The following FILIP1L variants were observed in gnomAD, a reference collection of about 807,000 sequenced individuals.
FILIP1L encodes filamin A interacting protein 1 like.
In FILIP1L, 55 loss-of-function variants were observed where a neutral mutation model predicts 96.6. The observed-to-expected ratio is 0.57, with a 90% CI of 0.46 to 0.71. The LOEUF is 0.71. Ranked by LOEUF, FILIP1L falls within the 30% of genes least tolerant of loss-of-function variation. FILIP1L has a pLI of 0.00. For missense variants in FILIP1L, 1,304 were observed against 1,321.2 expected (o/e 0.99, Z 0.20); for synonymous variants, 467 against 473.9 (o/e 0.99, Z 0.19).
At chr3:99,839,877 A>C (rs2107502423) in intron 5 of FILIP1L, among the ~76,000 whole-genome samples, 1 of 152,308 alleles carries the variant, frequency 6.6e-6, no homozygotes, top group Admixed American at 6.5e-5. Flanking sequence ...AAGAGTTTTC[A>C]TATGAGTTGT....
At chr3:99,927,501 C>G (rs1707332235) in intron 3 of FILIP1L, among the ~76,000 whole-genome samples, 1 of 151,976 alleles carries the variant, frequency 6.6e-6, no homozygotes, top group Non-Finnish European at 1.5e-5. Context: ...TCCCAAGTAG[C>G]TGGGATTACA....
chr3:99,912,533 A>C (rs1393932207), intron 4 of FILIP1L, among the ~76,000 whole-genome samples: 1 of 152,122 alleles, frequency 6.6e-6, no homozygotes, highest in Non-Finnish European at 1.5e-5. Context: ...GCATGCCAGC[A>C]CACCCAGCTA....
At chr3:99,917,583 T>C (rs150924554) in intron 4 of FILIP1L, among the ~76,000 whole-genome samples, 194 of 152,362 alleles carry the variant, frequency 1.3e-3, no homozygotes, top group Non-Finnish European at 2.4e-3. Flanking sequence ...TTGCTAGGTC[T>C]TTTCTAGCTT....
At chr3:100,010,747 TGG>T (rs1204284316) in intron 1 of FILIP1L, among the ~76,000 whole-genome samples, 1 of 149,574 alleles carries the variant, frequency 6.7e-6, no homozygotes, top group Non-Finnish European at 1.5e-5. Flanking sequence ...CCTGAGTAGC[TGG>T]GATTACAGGT....
chr3:100,001,681 C>T (rs1709846378), intron 1 of FILIP1L, among the ~76,000 whole-genome samples: 1 of 152,086 alleles, frequency 6.6e-6, no homozygotes, highest in Admixed American at 6.6e-5. Flanking sequence ...CTCTTCTTTC[C>T]TCTCCCAAAA....
At chr3:99,879,535 T>A (rs1361666510) in intron 4 of FILIP1L, among the ~76,000 whole-genome samples, 2 of 152,228 alleles carry the variant, frequency 1.3e-5, no homozygotes, top group African/African-American at 4.8e-5. Context: ...CTCCCTGCCT[T>A]TGTTTCTTCT....
intron 4 of FILIP1L, among the ~76,000 whole-genome samples, chr3:99,867,524 G>A (rs985047156): frequency 6.6e-6 from 1 of 152,126 alleles, no homozygotes; most frequent in Non-Finnish European, 1.5e-5. Context: ...TTAAACAATT[G>A]AAAAGCCACA....
Position 99,849,860 on chromosome 3 carries a change from T to G in FILIP1L, c.1816A>C (p.Lys606Gln). The change falls in exon 5 of 6, where the codon AAA becomes CAA. Residue 606 changes from lysine to glutamine, a missense_variant. Transcript: ENST00000477258. Reference sequence around the variant, plus strand: ...GATTTCCCAGAGTCTTGATTTAATTTGTTTTTTAGGAAATCTTTCTCAATT... The same window carrying G: ...GATTTCCCAGAGTCTTGATTTAATTGGTTTTTTAGGAAATCTTTCTCAATT... Reference protein sequence around the residue: ...EAIEKDFLKNKLNQDSGKSTT... With the variant: ...EAIEKDFLKNQLNQDSGKSTT... 6.2e-7 allele frequency: 1 copy of G among 1,611,210 alleles called. No individual in the cohort carries two copies. The highest frequency in any genetic ancestry group is 1.1e-5 in the South Asian group (1 of 90,294).
At chr3:100,003,567 T>C (rs1709904489) in intron 1 of FILIP1L, among the ~76,000 whole-genome samples, 1 of 152,186 alleles carries the variant, frequency 6.6e-6, no homozygotes. Context: ...GTGTCAGAAT[T>C]GGAATTAGAA....
intron 1 of FILIP1L, among the ~76,000 whole-genome samples, chr3:100,091,008 G>A (rs1273607684): frequency 6.6e-6 from 1 of 152,124 alleles, no homozygotes; most frequent in African/African-American, 2.4e-5. Flanking sequence ...CCTTAGGCCC[G>A]GGCACAGTGG....
At chr3:100,027,235 A>G (rs978686244) in intron 1 of FILIP1L, among the ~76,000 whole-genome samples, 6 of 152,106 alleles carry the variant, frequency 3.9e-5, no homozygotes, top group African/African-American at 1.4e-4. Flanking sequence ...TGTTTTCTGC[A>G]CTAGAATGTA....
intron 1 of FILIP1L, among the ~76,000 whole-genome samples, chr3:100,067,731 A>G (rs1305948688): frequency 6.6e-6 from 1 of 152,206 alleles, no homozygotes; most frequent in Admixed American, 6.5e-5. Flanking sequence ...CACACTGAGT[A>G]GGTGCTAAAT....
At chr3:99,876,680 G>A (rs1020927088) in intron 4 of FILIP1L, among the ~76,000 whole-genome samples, 2 of 152,148 alleles carry the variant, frequency 1.3e-5, no homozygotes, top group African/African-American at 4.8e-5. Context: ...GTAATGAGTA[G>A]GGGTCCTCAG....
At chr3:99,833,597 C>T (rs1942775974) in intron 5 of FILIP1L, among the ~76,000 whole-genome samples, 1 of 152,192 alleles carries the variant, frequency 6.6e-6, no homozygotes. Context: ...AGGATGTTTC[C>T]TTTTCTCTAA....
Position 100,097,943 on chromosome 3 carries a change from A to G in FILIP1L, c.-11+16110T>C, listed in dbSNP as rs145615136. 5.5e-3 allele frequency among the ~76,000 whole-genome samples: 839 copies of G among 152,300 alleles called. 9 individuals carry two copies. The highest frequency in any genetic ancestry group is 5.5e-3 in the Non-Finnish European group (375 of 68,026). On this transcript the variant is annotated intron_variant, in intron 1 of 5. Transcript: ENST00000477258. ...TATCATTTATTTTGTTGGTTTTTTAAAATTTCATCAACGGTAGCATATCTG... is the reference window on the plus strand; with the variant it reads ...TATCATTTATTTTGTTGGTTTTTTAGAATTTCATCAACGGTAGCATATCTG...
rs1167217491 is a variant in FILIP1L, at chr3:100,070,439, T to C, written c.-11+43614A>G. On this transcript the variant is annotated intron_variant, in intron 1 of 5. Transcript: ENST00000477258. ...TACTCTGTTTTACTTAGGACTTGAA[T>C]ATTAAATAATGTTGATTTATTCTCC... Among the ~76,000 whole-genome samples, 29 of 151,906 alleles carry C rather than the reference T, an allele frequency of 1.9e-4. 1 individual carries two copies. Among genetic ancestry groups the C allele is most frequent in the Admixed American group, 1.9e-3 (29 of 15,274 alleles).
intron 1 of FILIP1L, among the ~76,000 whole-genome samples, chr3:100,057,574 C>G (rs1204919104): frequency 6.6e-6 from 1 of 152,220 alleles, no homozygotes; most frequent in East Asian, 1.9e-4. Flanking sequence ...GTCTGCTCCC[C>G]TCCTGCAAAC....
At chr3:100,027,288 T>C (rs762764946) in intron 1 of FILIP1L, among the ~76,000 whole-genome samples, 6 of 152,200 alleles carry the variant, frequency 3.9e-5, no homozygotes, top group Non-Finnish European at 5.9e-5. Context: ...TGTGTATTTG[T>C]TCACTGCTGT....
intron 4 of FILIP1L, among the ~76,000 whole-genome samples, chr3:99,895,956 T>A (rs1307081375): frequency 6.6e-6 from 1 of 152,312 alleles, no homozygotes. Flanking sequence ...GTAAAGATAG[T>A]CTTTTTGTAG....
Sources: allele counts gnomAD v4.1 joint callset (sites outside exome capture counted in the v4.1 genomes callset), GRCh38; gene constraint gnomAD v4.1.1; transcripts MANE v1.5; gene names NCBI Gene and HGNC (gene_info 2026-07-23, HGNC 2026-07-21).